The following RARB variants were observed in gnomAD, a reference collection of about 807,000 sequenced individuals.
The protein encoded by RARB is retinoic acid receptor beta.
RARB carries 17 observed loss-of-function variants against 51.9 expected under a neutral mutation model. The ratio of observed to expected loss-of-function variants is 0.33; its 90% CI spans 0.22 to 0.49. The LOEUF (loss-of-function observed/expected upper bound fraction) is 0.49. Among genes scored for constraint, RARB ranks in the 20% least tolerant of loss-of-function variants. The pLI, the probability that RARB is intolerant of heterozygous loss-of-function variation, is 0.99. For missense variants in RARB, 369 were observed against 550.8 expected (o/e 0.67, Z 3.30); for synonymous variants, 215 against 195.4 (o/e 1.10, Z -0.84).
At chr3:25,527,133 G>T (rs1698687353) in intron 3 of RARB, among the ~76,000 whole-genome samples, 1 of 152,186 alleles carries the variant, frequency 6.6e-6, no homozygotes, top group African/African-American at 2.4e-5. Flanking sequence ...TGAATTGGCA[G>T]GTCTGGAAGG....
intron 5 of RARB, among the ~76,000 whole-genome samples, chr3:25,239,851 A>G (rs1702388864): frequency 6.6e-6 from 1 of 152,104 alleles, no homozygotes; most frequent in African/African-American, 2.4e-5. Context: ...TTTGACAGAG[A>G]TTGCACTGAA....
chr3:25,138,170 G>A (rs377177326), intron 4 of RARB, among the ~76,000 whole-genome samples: 39 of 152,204 alleles, frequency 2.6e-4, no homozygotes, highest in African/African-American at 7.2e-4. Context: ...AACATCTGGC[G>A]TGGCCCAATA....
At chr3:24,941,085 C>T (rs1259933035) in intron 2 of RARB, among the ~76,000 whole-genome samples, 1 of 151,928 alleles carries the variant, frequency 6.6e-6, no homozygotes, top group African/African-American at 2.4e-5. Flanking sequence ...ATTGTTATTG[C>T]TGATACTTTA....
chr3:25,267,683 G>A (rs1272312930), intron 5 of RARB, among the ~76,000 whole-genome samples: 6 of 152,024 alleles, frequency 3.9e-5, no homozygotes, highest in Non-Finnish European at 5.9e-5. Context: ...TTTAGTGTTT[G>A]GATATTATTC....
intron 5 of RARB, among the ~76,000 whole-genome samples, chr3:25,296,896 A>C (rs1448069460): frequency 6.6e-6 from 1 of 152,152 alleles, no homozygotes. Flanking sequence ...TGGACAAGAT[A>C]TTTTGCAGGA....
intron 2 of RARB, among the ~76,000 whole-genome samples, chr3:24,909,020 G>A (rs777272799): frequency 1.6e-4 from 25 of 151,972 alleles, no homozygotes; most frequent in Admixed American, 7.2e-4. Context: ...GATCTCTCCC[G>A]TTATATAACA....
At chr3:25,450,956 C>G (rs1214224022) in intron 1 of RARB, among the ~76,000 whole-genome samples, 1 of 152,040 alleles carries the variant, frequency 6.6e-6, no homozygotes, top group African/African-American at 2.4e-5. Context: ...CGTGGTGGCG[C>G]ACATTTATTA....
chr3:25,442,412 G>A (rs1708738831), intron 1 of RARB, among the ~76,000 whole-genome samples: 1 of 152,168 alleles, frequency 6.6e-6, no homozygotes, highest in Admixed American at 6.5e-5. Context: ...GGGATTACAG[G>A]CGTGAGCCAC....
At chr3:25,184,410 C>T (rs1700929233) in intron 5 of RARB, among the ~76,000 whole-genome samples, 1 of 152,108 alleles carries the variant, frequency 6.6e-6, no homozygotes. Flanking sequence ...GCGAGAAGTA[C>T]TGCTTGGAGA....
chr3:25,019,841 T>C (rs556308748), intron 2 of RARB, among the ~76,000 whole-genome samples: 1 of 152,160 alleles, frequency 6.6e-6, no homozygotes, highest in South Asian at 2.1e-4. Flanking sequence ...TGGCTCTGAG[T>C]TCTGTGAGGT....
At chr3:25,407,902 A>G (rs1363651770) in intron 5 of RARB, among the ~76,000 whole-genome samples, 1 of 152,156 alleles carries the variant, frequency 6.6e-6, no homozygotes, top group Non-Finnish European at 1.5e-5. Context: ...TTAGGAGGAT[A>G]AGTTCCAAGT....
intron 5 of RARB, among the ~76,000 whole-genome samples, chr3:25,304,988 C>G (rs1474489460): frequency 6.6e-6 from 1 of 152,106 alleles, no homozygotes; most frequent in Admixed American, 6.5e-5. Context: ...GGTTGCTGTA[C>G]CCTACAGGTG....
intron 3 of RARB, among the ~76,000 whole-genome samples, chr3:25,086,298 G>A (rs1699104310): frequency 6.6e-6 from 1 of 152,138 alleles, no homozygotes; most frequent in African/African-American, 2.4e-5. Flanking sequence ...GAAAGCGATA[G>A]TGGGCAAAGT....
intron 2 of RARB, among the ~76,000 whole-genome samples, chr3:25,484,863 T>C (rs540932843): frequency 6.6e-6 from 1 of 152,176 alleles, no homozygotes; most frequent in Non-Finnish European, 1.5e-5. Context: ...ATTGTCATAT[T>C]TATGGAAACA....
intron 2 of RARB, among the ~76,000 whole-genome samples, chr3:24,956,367 C>T (rs1317792744): frequency 6.6e-6 from 1 of 152,162 alleles, no homozygotes; most frequent in Non-Finnish European, 1.5e-5. Flanking sequence ...ATACCATGTA[C>T]TCAACAAATA....
chr3:25,142,341 G>T (rs996269388), intron 4 of RARB, among the ~76,000 whole-genome samples: 1 of 151,782 alleles, frequency 6.6e-6, no homozygotes, highest in Non-Finnish European at 1.5e-5. Flanking sequence ...TCTCAAAAAA[G>T]AAATAATAAA....
intron 5 of RARB, among the ~76,000 whole-genome samples, chr3:25,215,515 G>C (rs995991887): frequency 6.6e-6 from 1 of 152,258 alleles, no homozygotes; most frequent in Non-Finnish European, 1.5e-5. Flanking sequence ...GGGGTCATCT[G>C]TATTGCCTCT....
chr3:24,998,213 G>A (rs983101652), intron 2 of RARB, among the ~76,000 whole-genome samples: 1 of 150,690 alleles, frequency 6.6e-6, no homozygotes, highest in Non-Finnish European at 1.5e-5. Context: ...GGCTAATTTA[G>A]CTAATTCTCC....
At chr3:25,396,156 T>C (rs879508969) in intron 5 of RARB, among the ~76,000 whole-genome samples, 4 of 152,228 alleles carry the variant, frequency 2.6e-5, no homozygotes, top group Admixed American at 2.6e-4. Flanking sequence ...CCAGCAGAGC[T>C]ACTGGGCTCC....
Sources: allele counts gnomAD v4.1 joint callset (sites outside exome capture counted in the v4.1 genomes callset), GRCh38; gene constraint gnomAD v4.1.1; transcripts MANE v1.5; gene names NCBI Gene and HGNC (gene_info 2026-07-23, HGNC 2026-07-21).